BCL2: variants seen among roughly 807,000 people sequenced by gnomAD.
BCL2 encodes apoptosis regulator Bcl-2.
A neutral mutation model predicts 14.2 loss-of-function variants in BCL2; 1 was observed. The ratio of observed to expected loss-of-function variants is 0.07; its 90% CI spans 0.02 to 0.33. The LOEUF is 0.33. Ranked by LOEUF, BCL2 falls within the 10% of genes least tolerant of loss-of-function variation. The probability of loss-of-function intolerance (pLI) is 0.99; values close to 1 mark genes in which losing one functional copy is unlikely to be tolerated. For missense variants in BCL2, 247 were observed against 305.9 expected (o/e 0.81, Z 1.44); for synonymous variants, 151 against 137.2 (o/e 1.10, Z -0.70).
At chr18:63,189,449 G>T (rs973346898) in intron 2 of BCL2, among the ~76,000 whole-genome samples, 1 of 152,106 alleles carries the variant, frequency 6.6e-6, no homozygotes, top group Admixed American at 6.5e-5. Context: ...GGTATATCAA[G>T]TTCCTCTAGT....
Position 63,146,739 on chromosome 18 carries a change from A to T in BCL2, c.586-17980T>A, listed in dbSNP as rs886839655. 5.3e-5 allele frequency among the ~76,000 whole-genome samples: 8 copies of T among 152,314 alleles called. No individual in the cohort carries two copies. The East Asian group carries it at 1.5e-3, about 29-fold the overall frequency. On this transcript the variant is annotated intron_variant, in intron 2 of 2. Coordinates refer to ENST00000333681, the MANE Select transcript of BCL2 (RefSeq NM_000633.3). ...TTAAATGTCTTTGGAGGTAATCCTA[A>T]CCTACTGAAACACCCCGAGAAACTG... is the stretch of plus-strand genomic sequence containing the variant.
At chr18:63,198,724 G>GAGAC (rs1909552060) in intron 2 of BCL2, among the ~76,000 whole-genome samples, 1 of 94,438 alleles carries the variant, frequency 1.1e-5, no homozygotes, top group African/African-American at 4.4e-5. Context: ...CACACACACA[G>GAGAC]ACACACACAG....
At chr18:63,133,957 A>T (rs1914141124) in intron 2 of BCL2, among the ~76,000 whole-genome samples, 1 of 152,224 alleles carries the variant, frequency 6.6e-6, no homozygotes, top group South Asian at 2.1e-4. Flanking sequence ...ATTAAAAGTC[A>T]TACCCTATAG....
At chr18:63,222,008 T>C (rs1025827216) in intron 2 of BCL2, among the ~76,000 whole-genome samples, 2 of 152,054 alleles carry the variant, frequency 1.3e-5, no homozygotes, top group Admixed American at 6.5e-5. Flanking sequence ...AGGCCGGGCA[T>C]GGCAGCACAT....
chr18:63,212,535 TG>T (rs918700251), intron 2 of BCL2, among the ~76,000 whole-genome samples: 15 of 151,546 alleles, frequency 9.9e-5, no homozygotes, highest in African/African-American at 3.6e-4. Flanking sequence ...CAAGCCACAG[TG>T]GGAACTCAGG....
At chr18:63,240,414 T>G (rs965334839) in intron 2 of BCL2, among the ~76,000 whole-genome samples, 10 of 152,244 alleles carry the variant, frequency 6.6e-5, no homozygotes, top group African/African-American at 2.4e-4. Flanking sequence ...GAATTCCTTC[T>G]GTCTTCCCAC....
At chr18:63,286,831 G>A (rs976133967) in intron 2 of BCL2, among the ~76,000 whole-genome samples, 3 of 152,120 alleles carry the variant, frequency 2.0e-5, no homozygotes, top group South Asian at 2.1e-4. Flanking sequence ...CCCACATGAT[G>A]ATTGCATGGA....
At chr18:63,219,802 C>G (rs1484174310) in intron 2 of BCL2, among the ~76,000 whole-genome samples, 1 of 152,186 alleles carries the variant, frequency 6.6e-6, no homozygotes, top group Non-Finnish European at 1.5e-5. Flanking sequence ...CCTCACCTCA[C>G]TATGCTAGGC....
At chr18:63,312,926 C>T (rs934939356) in intron 2 of BCL2, among the ~76,000 whole-genome samples, 4 of 152,290 alleles carry the variant, frequency 2.6e-5, no homozygotes, top group Middle Eastern at 6.8e-3. Flanking sequence ...AACAAGGGAA[C>T]TCCCCCTGCC....
At chr18:63,252,264 TCTTA>T (rs1276050267) in intron 2 of BCL2, among the ~76,000 whole-genome samples, 2 of 152,212 alleles carry the variant, frequency 1.3e-5, no homozygotes, top group African/African-American at 4.8e-5. Flanking sequence ...TCGTGTCACA[TCTTA>T]CTGACAGAAA....
At chr18:63,210,361 G>A (rs1909965714) in intron 2 of BCL2, among the ~76,000 whole-genome samples, 1 of 152,140 alleles carries the variant, frequency 6.6e-6, no homozygotes, top group Admixed American at 6.5e-5. Flanking sequence ...GTGGACTTCA[G>A]GCCCAAGGAA....
Position 63,318,315 on chromosome 18 carries a change from G to T in BCL2, c.352C>A (p.Gln118Lys). The change falls in exon 2 of 3, where the codon CAG (glutamine) becomes AAG (lysine). Residue 118 changes from glutamine to lysine, a missense_variant. By Grantham distance (53) the Gln-to-Lys change is moderately conservative. Transcript: ENST00000333681. This position sits in a 1 kb window ranked among gnomAD's most constrained non-coding sequence, Gnocchi z 7.4. ...YRRDFAEMSS[Q>K]LHLTPFTARG... ...GCGGTGAAGGGCGTCAGGTGCAGCT[G>T]GCTGGACATCTCGGCGAAGTCGCGG... 6.2e-7 allele frequency: 1 copy of T among 1,613,844 alleles called. No homozygotes were observed. The highest frequency in any genetic ancestry group is 8.5e-7 in the Non-Finnish European group (1 of 1,179,832).
intron 2 of BCL2, among the ~76,000 whole-genome samples, chr18:63,230,714 G>A (rs1435690060): frequency 6.6e-6 from 1 of 151,940 alleles, no homozygotes; most frequent in Non-Finnish European, 1.5e-5. Context: ...TCTAAAAACA[G>A]ATAAAATGGA....
chr18:63,219,451 CTTTTTTTT>C (rs11289698), intron 2 of BCL2, among the ~76,000 whole-genome samples: 726 of 109,788 alleles, frequency 6.6e-3, no homozygotes, highest in Admixed American at 0.013. Context: ...CACAGCAGAA[CTTTTTTTT>C]TTTTTTTTTT....
chr18:63,179,421 C>T (rs1915429145), intron 2 of BCL2, among the ~76,000 whole-genome samples: 1 of 152,184 alleles, frequency 6.6e-6, no homozygotes, highest in Non-Finnish European at 1.5e-5. Flanking sequence ...CTCTAGGGCC[C>T]CTGGGGCTCT....
At chr18:63,213,628 T>C (rs987622594) in intron 2 of BCL2, among the ~76,000 whole-genome samples, 1 of 151,468 alleles carries the variant, frequency 6.6e-6, no homozygotes, top group Non-Finnish European at 1.5e-5. Context: ...GTGAGTAAGT[T>C]CATAATTTAG....
At chr18:63,234,443 G>A (rs1261753163) in intron 2 of BCL2, among the ~76,000 whole-genome samples, 1 of 152,112 alleles carries the variant, frequency 6.6e-6, no homozygotes, top group Non-Finnish European at 1.5e-5. Context: ...TGGCTGCGTA[G>A]TATTCCATGG....
At chr18:63,172,999 T>C (rs1251541291) in intron 2 of BCL2, among the ~76,000 whole-genome samples, 1 of 152,218 alleles carries the variant, frequency 6.6e-6, no homozygotes, top group Non-Finnish European at 1.5e-5. Flanking sequence ...TGTCTATAAA[T>C]AGTAATTAAA....
At chr18:63,313,448 A>C (rs962963382) in intron 2 of BCL2, among the ~76,000 whole-genome samples, 2 of 152,230 alleles carry the variant, frequency 1.3e-5, no homozygotes, top group African/African-American at 4.8e-5. Flanking sequence ...GGATGACCAG[A>C]TTGACAAGTT....
Sources: gnomAD v4.1 joint callset for allele counts (sites outside exome capture counted in the v4.1 genomes callset) on GRCh38, gnomAD v4.1.1 for gene constraint, Gnocchi (gnomAD v3.1) non-coding constraint, MANE v1.5 for transcripts, NCBI Gene and HGNC (gene_info 2026-07-23, HGNC 2026-07-21) for gene names.